The following ST18 variants were observed in gnomAD, a reference collection of about 807,000 sequenced individuals.
ST18 encodes the protein ST18 C2H2C-type zinc finger transcription factor, also known as suppression of tumorigenicity 18 protein.
Under a neutral mutation model 110.0 loss-of-function variants are expected in ST18, and 50 were observed. The ratio of observed to expected loss-of-function variants is 0.45; its 90% CI spans 0.36 to 0.58. The LOEUF (loss-of-function observed/expected upper bound fraction) is 0.58. Ranked by LOEUF, ST18 falls within the 20% of genes least tolerant of loss-of-function variation. The pLI is 0.00. For synonymous variants in ST18, 461 were observed against 452.4 expected (o/e 1.02, Z -0.24); for missense variants, 1,306 against 1,280.1 (o/e 1.02, Z -0.31).
rs546756440 is a variant in ST18, at chr8:52,221,782, C to T, written c.-407G>A. 6.6e-6 allele frequency: 1 copy of T among 152,150 alleles called. No individual in the cohort carries two copies. The highest frequency in any genetic ancestry group is 2.1e-4 in the South Asian group (1 of 4,816). The allele number at this position is 152,150 out of a possible 1,614,324, so 9.4% of individuals were successfully genotyped here. ...TAGATGCTTCTTCAACTTAAGTCAG[C>T]AACTGTAGTTCCTGGGGAAAAATGG... On this transcript the variant is annotated 5_prime_UTR_variant, in exon 4 of 26. Transcript: ENST00000689386.
rs369100332 is a variant in ST18 at position 52,136,549 on chromosome 8, G to A, written c.2300+41C>T. ...GGGCACTGAACGAGAGGGTCCTACC[G>A]TGTGGATGAAGGGCAAGCCGGCCAC... On this transcript the variant is annotated intron_variant, in intron 19 of 25. Transcript: ENST00000689386. The A allele has an allele frequency of 8.9e-5, 140 of 1,575,654 alleles. 1 individual carries two copies. The highest frequency in any genetic ancestry group is 1.1e-4 in the African/African-American group (8 of 74,386).
chr8:52,182,458 A>G (rs1251099127), intron 8 of ST18, among the ~76,000 whole-genome samples: 1 of 152,244 alleles, frequency 6.6e-6, no homozygotes, highest in Non-Finnish European at 1.5e-5. Context: ...AATACTCTCC[A>G]TTCTTTAAAG....
intron 3 of ST18, among the ~76,000 whole-genome samples, chr8:52,224,046 C>T (rs1032594001): frequency 6.6e-6 from 1 of 152,178 alleles, no homozygotes; most frequent in Non-Finnish European, 1.5e-5. Context: ...CTCTTAATCG[C>T]TCTTCTAATG....
chr8:52,116,326 A>T lies in ST18; in HGVS notation c.2952T>A (p.Gly984=). The change falls in exon 25 of 26, where the codon GGT becomes GGA. Residue 984 remains glycine, a synonymous_variant. Transcript: ENST00000689386. ...GGCTTGAAATGAGAGCTTGGCTTAG[A>T]CCTGCCAGCTCTTTCAGCAGACTTT... ...NNESLLKELA[G]LSQALISSLA... is the part of the protein sequence containing the mutation. The T allele has an allele frequency of 6.2e-7, 1 of 1,613,960 alleles. No homozygotes were observed. The highest frequency in any genetic ancestry group is 8.5e-7 in the Non-Finnish European group (1 of 1,179,930).
intron 8 of ST18, among the ~76,000 whole-genome samples, chr8:52,205,100 C>T (rs189126657): frequency 0.013 from 1,510 of 115,372 alleles, 11 homozygotes; most frequent in South Asian, 0.036. Flanking sequence ...TATATATATA[C>T]ACACACACAC....
At chr8:52,141,215 C>T (rs532427663) in intron 17 of ST18, among the ~76,000 whole-genome samples, 1 of 152,172 alleles carries the variant, frequency 6.6e-6, no homozygotes, top group Non-Finnish European at 1.5e-5. Context: ...CGCTCACATA[C>T]CAGTAGGGCA....
intron 2 of ST18, among the ~76,000 whole-genome samples, chr8:52,362,105 T>C (rs1398109501): frequency 6.6e-6 from 1 of 152,326 alleles, no homozygotes; most frequent in South Asian, 2.1e-4. Flanking sequence ...TTTCATGCTA[T>C]CTGAGTGAAT....
chr8:52,347,645 T>C (rs1194066826), intron 2 of ST18, among the ~76,000 whole-genome samples: 1 of 152,206 alleles, frequency 6.6e-6, no homozygotes, highest in Non-Finnish European at 1.5e-5. Flanking sequence ...TATGAATAGT[T>C]AGCCATTAAT....
At chr8:52,282,193 AT>A (rs1314018116) in intron 2 of ST18, among the ~76,000 whole-genome samples, 1 of 152,170 alleles carries the variant, frequency 6.6e-6, no homozygotes, top group Admixed American at 6.5e-5. Flanking sequence ...AAGTAGAATA[AT>A]TCCAAAACCA....
chr8:52,238,887 G>T (rs1023829226), intron 2 of ST18, among the ~76,000 whole-genome samples: 1 of 150,796 alleles, frequency 6.6e-6, no homozygotes, highest in Non-Finnish European at 1.5e-5. Flanking sequence ...TGAGGGATGA[G>T]AAATTACTTA....
At chr8:52,384,375 C>T (rs191436416) in intron 2 of ST18, among the ~76,000 whole-genome samples, 33 of 152,248 alleles carry the variant, frequency 2.2e-4, no homozygotes, top group Admixed American at 1.6e-3. Flanking sequence ...CACAATCCAG[C>T]TCCAAACTCT....
At chr8:52,137,723 T>G (rs2053065079) in intron 17 of ST18, 3 of 457,554 alleles carry the variant, frequency 6.6e-6, no homozygotes. Flanking sequence ...AACATCACAT[T>G]CGATTATTTG....
In ST18 at chr8:52,159,093, ATT is replaced by A; in HGVS notation, c.1609_1610del (p.Asn537SerfsTer6). Reference protein sequence around the residue: ...PPFPESKHFPNPVKFPNRLPS... With the variant: ...PPFPESKHFPXPVKFPNRLPS... ...GCAGTCGATTAGGAAATTTCACTGG[ATT>A]TGGAAAATGCTTTGCTGTTGAAGAG... On this transcript the variant is annotated frameshift_variant, in exon 15 of 26. Coordinates refer to ENST00000689386, the MANE Select transcript of ST18 (RefSeq NM_001352837.2). LOFTEE classifies it high-confidence loss of function. The A allele has an allele frequency of 6.2e-7, 1 of 1,613,946 alleles. No individual in the cohort carries two copies. Among genetic ancestry groups the A allele is most frequent in the Non-Finnish European group, 8.5e-7 (1 of 1,180,006 alleles).
At chr8:52,119,507 C>G (rs1474630988) in intron 23 of ST18, among the ~76,000 whole-genome samples, 1 of 152,082 alleles carries the variant, frequency 6.6e-6, no homozygotes, top group Non-Finnish European at 1.5e-5. Context: ...GATCTGGGCT[C>G]TTATACTTTC....
chr8:52,332,970 T>C (rs892445895), intron 2 of ST18, among the ~76,000 whole-genome samples: 1 of 152,188 alleles, frequency 6.6e-6, no homozygotes, highest in African/African-American at 2.4e-5. Flanking sequence ...ATTTTGCAGC[T>C]GAGCATACTG....
At chr8:52,240,460 C>T (rs1212206755) in intron 2 of ST18, among the ~76,000 whole-genome samples, 2 of 152,030 alleles carry the variant, frequency 1.3e-5, no homozygotes, top group African/African-American at 4.8e-5. Flanking sequence ...AATCTGCGTG[C>T]TTTCCTTCTT....
intron 3 of ST18, among the ~76,000 whole-genome samples, chr8:52,228,573 T>C (rs2090304643): frequency 6.6e-6 from 1 of 152,130 alleles, no homozygotes; most frequent in South Asian, 2.1e-4. Context: ...GCACAGTAGT[T>C]TCTAAATAAA....
chr8:52,171,910 A>G lies in ST18; in HGVS notation c.951T>C (p.Gly317=), dbSNP rs374196980. The G allele has an allele frequency of 1.9e-5, 30 of 1,614,026 alleles. No homozygotes were observed. The African/African-American group carries it at 2.0e-4, about 11-fold the overall frequency. ...CTTTGTAGGTGTTATGGAAAACACAACCTCGCTCAGCCTGCAGAGCAATTG... is the reference window on the plus strand; with the variant it reads ...CTTTGTAGGTGTTATGGAAAACACAGCCTCGCTCAGCCTGCAGAGCAATTG... ...EQAIALQAER[G]CVFHNTYKEL... Residue 317 remains glycine, a synonymous_variant, in exon 10 of 26, where the codon GGT becomes GGC. Coordinates refer to ENST00000689386, the MANE Select transcript of ST18 (RefSeq NM_001352837.2).
intron 8 of ST18, chr8:52,210,255 A>G: frequency 5.0e-6 from 2 of 401,164 alleles, no homozygotes; most frequent in South Asian, 1.8e-5. Flanking sequence ...ACTTTAAATA[A>G]GAGCAAATTT....
Sources: allele counts gnomAD v4.1 joint callset (sites outside exome capture counted in the v4.1 genomes callset), GRCh38; gene constraint gnomAD v4.1.1; transcripts MANE v1.5; gene names NCBI Gene and HGNC (gene_info 2026-07-23, HGNC 2026-07-21).